DHX34: variants seen among roughly 807,000 people sequenced by gnomAD.
DHX34 encodes the protein DExH-box helicase 34.
DHX34 carries 96 observed loss-of-function variants against 111.1 expected under a neutral mutation model. The ratio of observed to expected loss-of-function variants is 0.86; its 90% CI spans 0.73 to 1.02. DHX34 has a LOEUF of 1.02. Ranked by LOEUF, DHX34 falls within the 50% of genes least tolerant of loss-of-function variation. The probability of loss-of-function intolerance (pLI) is 0.00; values close to 1 mark genes in which losing one functional copy is unlikely to be tolerated. For synonymous variants in DHX34, 688 were observed against 670.4 expected (o/e 1.03, Z -0.41); for missense variants, 1,560 against 1,579.9 (o/e 0.99, Z 0.21).
Position 47,358,918 on chromosome 19 carries a change from C to T in DHX34, c.1272+798C>T, listed in dbSNP as rs578028233. ...GGTGTGAGCCACTGTGTCCGGCCTC[C>T]GTTAATTTTTTTTTGAATTTTAGTA... On this transcript the variant is annotated intron_variant, in intron 4 of 16. Coordinates refer to ENST00000328771, the MANE Select transcript of DHX34 (RefSeq NM_014681.6). 5.7e-4 allele frequency among the ~76,000 whole-genome samples: 87 copies of T among 152,238 alleles called. 1 individual carries two copies. Among genetic ancestry groups the T allele is most frequent in the African/African-American group, 1.8e-3 (73 of 41,560 alleles).
intron 13 of DHX34, 88 bp from the exon 14 acceptor site, chr19:47,379,622 T>TGGGCAGGAGCCCAGCC (rs1970285541): frequency 6.6e-7 from 1 of 1,507,718 alleles, no homozygotes; most frequent in African/African-American, 1.4e-5. Context: ...GGCTGGTGGG[T>TGGGCAGGAGCCCAGCC]GGGCAGGAGC....
intron 10 of DHX34, 21 bp from the exon 11 acceptor site, chr19:47,375,903 G>C: frequency 6.3e-7 from 1 of 1,589,562 alleles, no homozygotes; most frequent in South Asian, 1.1e-5. Flanking sequence ...CTAAGACTCT[G>C]CCTCCCCGTG....
chr19:47,356,797 T>C (rs1969471823), intron 3 of DHX34, among the ~76,000 whole-genome samples: 1 of 151,824 alleles, frequency 6.6e-6, no homozygotes, highest in African/African-American at 2.4e-5. Context: ...CTACTAAAAA[T>C]GCAAAAATTA....
At chr19:47,360,939 G>C (rs1969612718) in intron 5 of DHX34, among the ~76,000 whole-genome samples, 2 of 151,944 alleles carry the variant, frequency 1.3e-5, no homozygotes, top group African/African-American at 4.8e-5. Flanking sequence ...CAAAGTGCTG[G>C]GATTACGGGC....
At chr19:47,363,479 C>A (rs1360943419) in intron 6 of DHX34, among the ~76,000 whole-genome samples, 1 of 152,076 alleles carries the variant, frequency 6.6e-6, no homozygotes, top group African/African-American at 2.4e-5. Context: ...GAACCCATCC[C>A]TTCCAAATGT....
intron 3 of DHX34, among the ~76,000 whole-genome samples, chr19:47,356,641 AGAAAG>A (rs1969465753): frequency 6.6e-6 from 1 of 151,118 alleles, no homozygotes; most frequent in Admixed American, 6.6e-5. Context: ...AAAAAAAAAA[AGAAAG>A]AAAAGAAAGA....
Position 47,373,648 on chromosome 19 carries a change from G to A in DHX34, c.2012G>A (p.Gly671Asp), listed in dbSNP as rs757014753. Residue 671 changes from glycine to aspartate, a missense_variant, in exon 9 of 17, where the codon GGC (glycine) becomes GAC (aspartate). Physicochemically the swap from Gly to Asp is moderately conservative, Grantham distance 94. Transcript: ENST00000328771. ...TCTCGCAAGTGGTGCCGCCGCCGGGGCATAGAGGAGCATCGACTGTACGAA... is the reference window on the plus strand; with the variant it reads ...TCTCGCAAGTGGTGCCGCCGCCGGGACATAGAGGAGCATCGACTGTACGAA... ...RNSRKWCRRR[G>D]IEEHRLYEMA... 1.2e-6 allele frequency: 2 copies of A among 1,614,040 alleles called. No individual in the cohort carries two copies. The highest frequency in any genetic ancestry group is 1.7e-5 in the Admixed American group (1 of 60,022).
chr19:47,374,901 A>G (rs1257747408), intron 9 of DHX34, among the ~76,000 whole-genome samples: 1 of 152,204 alleles, frequency 6.6e-6, no homozygotes. Flanking sequence ...AGCAGGAAAC[A>G]GAAGGTCCAA....
intron 11 of DHX34, 103 bp from the exon 12 acceptor site, chr19:47,376,340 G>A: frequency 6.5e-7 from 1 of 1,540,044 alleles, no homozygotes; most frequent in Non-Finnish European, 8.7e-7. Context: ...GTCAGGGAGG[G>A]CTTCCTGGAG....
At chr19:47,381,595 G>C (rs1332136036) in intron 16 of DHX34, 3 of 591,684 alleles carry the variant, frequency 5.1e-6, no homozygotes, top group Non-Finnish European at 8.7e-6. Flanking sequence ...CTGTGGCTAT[G>C]TCTCTTGTTA....
intron 2 of DHX34, among the ~76,000 whole-genome samples, chr19:47,354,372 A>G (rs1000481843): frequency 1.2e-4 from 18 of 152,202 alleles, no homozygotes; most frequent in Non-Finnish European, 2.1e-4. Context: ...TGATATACAT[A>G]AAGCACTTAG....
At chr19:47,380,774 C>G in intron 14 of DHX34, 42 bp from the exon 15 acceptor site, 1 of 1,611,288 alleles carries the variant, frequency 6.2e-7, no homozygotes, top group Admixed American at 1.7e-5. Context: ...GCGGCATCTC[C>G]CTGAGTCTGT....
chr19:47,367,818 G>A (rs1481880400), intron 7 of DHX34, among the ~76,000 whole-genome samples: 1 of 149,070 alleles, frequency 6.7e-6, no homozygotes, highest in Non-Finnish European at 1.5e-5. Flanking sequence ...AACCTGGGAG[G>A]TAGAGGTTGC....
chr19:47,380,085 T>G, intron 14 of DHX34, 100 bp downstream of exon 14: 18 of 1,454,854 alleles, frequency 1.2e-5, no homozygotes, highest in Non-Finnish European at 1.6e-5. Flanking sequence ...TCACTCCACA[T>G]GGGCACATTT....
intron 4 of DHX34, chr19:47,359,763 C>A: frequency 1.2e-6 from 1 of 839,850 alleles, no homozygotes; most frequent in Non-Finnish European, 1.4e-6. Context: ...GCCTGGGCGA[C>A]AGAGCAAGAC....
chr19:47,372,597 C>T (rs1432148710), intron 7 of DHX34, 133 bp from the exon 8 acceptor site: 2 of 1,416,824 alleles, frequency 1.4e-6, no homozygotes, highest in African/African-American at 1.5e-5. Context: ...ATCTGGGTCA[C>T]AAGACCCTTA....
chr19:47,360,000 A>G lies in DHX34; in HGVS notation c.1305A>G (p.Lys435=), dbSNP rs1969577135. The change falls in exon 5 of 17, where the codon AAA becomes AAG. Residue 435 remains lysine, a synonymous_variant. Coordinates refer to ENST00000328771, the MANE Select transcript of DHX34 (RefSeq NM_014681.6). The part of the protein sequence containing the change: ...VFDVAPPGVR[K]CILSTNIAET... Reference sequence around the variant, plus strand: ...ATGTGGCACCCCCTGGAGTCCGGAAATGCATCCTCTCCACCAACATTGCTG... The same window carrying G: ...ATGTGGCACCCCCTGGAGTCCGGAAGTGCATCCTCTCCACCAACATTGCTG... 6.2e-7 allele frequency: 1 copy of G among 1,614,056 alleles called. No individual in the cohort carries two copies. Among genetic ancestry groups the G allele is most frequent in the Non-Finnish European group, 8.5e-7 (1 of 1,179,978 alleles).
chr19:47,378,911 G>C (rs1023705588), intron 13 of DHX34, among the ~76,000 whole-genome samples: 1 of 151,736 alleles, frequency 6.6e-6, no homozygotes, highest in African/African-American at 2.4e-5. Flanking sequence ...GTGTGGATCA[G>C]TTGAGGCCAG....
At position 47,379,690 on chromosome 19, in the gene DHX34, T is replaced by G. The variant is rs752735918; in HGVS notation, c.2707-20T>G. 184 of 1,581,640 alleles carry G rather than the reference T, an allele frequency of 1.2e-4. No homozygotes were observed. Among genetic ancestry groups the G allele is most frequent in the Non-Finnish European group, 1.4e-4 (162 of 1,156,584 alleles). On this transcript the variant is annotated intron_variant, in intron 13 of 16. Transcript: ENST00000328771. ...CTGCCCCTCCCACCTACTCCCTGTC[T>G]TCTGCCCCCTCTCTTTCAGTCCCTC...
Sources: gnomAD v4.1 joint callset for allele counts (sites outside exome capture counted in the v4.1 genomes callset) on GRCh38, gnomAD v4.1.1 for gene constraint, MANE v1.5 for transcripts, NCBI Gene and HGNC (gene_info 2026-07-23, HGNC 2026-07-21) for gene names.